TTC27: variants seen among roughly 807,000 people sequenced by gnomAD.
TTC27 encodes the protein tetratricopeptide repeat protein 27.
Under a neutral mutation model 115.9 loss-of-function variants are expected in TTC27, and 79 were observed. The ratio of observed to expected loss-of-function variants is 0.68; its 90% CI spans 0.57 to 0.82. The LOEUF (loss-of-function observed/expected upper bound fraction) is 0.82. Among genes scored for constraint, TTC27 ranks in the 40% least tolerant of loss-of-function variants. The pLI, the probability that TTC27 is intolerant of heterozygous loss-of-function variation, is 0.00. For synonymous variants in TTC27, 401 were observed against 356.0 expected (o/e 1.13, Z -1.42); for missense variants, 1,054 against 993.1 (o/e 1.06, Z -0.82).
At chr2:32,798,486 G>A (rs1321618848) in intron 16 of TTC27, among the ~76,000 whole-genome samples, 2 of 151,776 alleles carry the variant, frequency 1.3e-5, no homozygotes, top group Non-Finnish European at 2.9e-5. Context: ...GGCGGATCAC[G>A]AGGTCAGGAG....
intron 12 of TTC27, among the ~76,000 whole-genome samples, chr2:32,753,609 C>T (rs1243665408): frequency 6.6e-6 from 1 of 151,794 alleles, no homozygotes; most frequent in Non-Finnish European, 1.5e-5. Context: ...GCCACCGCGC[C>T]CATATTTTTA....
intron 10 of TTC27, among the ~76,000 whole-genome samples, chr2:32,713,919 C>T (rs892159921): frequency 2.0e-5 from 3 of 152,018 alleles, no homozygotes; most frequent in Non-Finnish European, 2.9e-5. Context: ...TAGCTCCTTC[C>T]GCTCTCCACC....
chr2:32,817,463 T>A lies in TTC27; in HGVS notation c.2315T>A (p.Ile772Lys). 1 of 1,613,768 alleles carries A rather than the reference T, an allele frequency of 6.2e-7. No individual in the cohort carries two copies. The highest frequency in any genetic ancestry group is 8.5e-7 in the Non-Finnish European group (1 of 1,179,752). The change falls in exon 19 of 20, where the codon ATA becomes AAA. Residue 772 changes from isoleucine to lysine, a missense_variant. By Grantham distance (102) the Ile-to-Lys change is moderately radical (BLOSUM62 -3). Transcript: ENST00000317907. ...QRALGLAHVA[I>K]KCSKNKSSSQ... ...CTCCATACTTATCTTCCAGTGGCCA[T>A]AAAATGCAGTAAAAACAAATCCAGT...
chr2:32,698,535 AGTGGCGCGATCTCAGCTCACT>A lies in TTC27; in HGVS notation c.1120-4270_1120-4250del, dbSNP rs533949267. On this transcript the variant is annotated intron_variant, in intron 9 of 19. Coordinates refer to ENST00000317907, the MANE Select transcript of TTC27 (RefSeq NM_017735.5). Reference sequence around the variant, plus strand: ...CGCTCTGTCACGCAGCCTGGAGTGCAGTGGCGCGATCTCAGCTCACTGCAAGCTCCGCCTCCCGGGTTCACG... The same window carrying A: ...CGCTCTGTCACGCAGCCTGGAGTGCAGCAAGCTCCGCCTCCCGGGTTCACG... Among the ~76,000 whole-genome samples, 71 of 145,112 alleles carry A rather than the reference AGTGGCGCGATCTCAGCTCACT, an allele frequency of 4.9e-4. No homozygotes were observed. In the South Asian group the frequency reaches 0.016, roughly 32 times the overall value.
intron 11 of TTC27, among the ~76,000 whole-genome samples, chr2:32,735,876 T>G (rs889789032): frequency 1.3e-5 from 2 of 152,048 alleles, no homozygotes; most frequent in African/African-American, 4.8e-5. Context: ...ATTATTTATT[T>G]TGATAATCTG....
intron 13 of TTC27, among the ~76,000 whole-genome samples, chr2:32,766,921 G>A (rs573992960): frequency 9.2e-5 from 14 of 152,028 alleles, no homozygotes; most frequent in Non-Finnish European, 1.9e-4. Context: ...GAGAAGCTGG[G>A]ACTATAGGCA....
chr2:32,649,830 C>G (rs1046904633), intron 4 of TTC27, among the ~76,000 whole-genome samples: 2 of 151,932 alleles, frequency 1.3e-5, no homozygotes, highest in Admixed American at 6.6e-5. Context: ...AGGTGTGAGC[C>G]ATCGCACCCG....
intron 5 of TTC27, among the ~76,000 whole-genome samples, chr2:32,658,013 GA>G (rs986675792): frequency 2.6e-5 from 4 of 152,316 alleles, no homozygotes; most frequent in Admixed American, 1.3e-4. Flanking sequence ...ATTTTTGGTA[GA>G]GACAGGGTTT....
chr2:32,709,707 T>A (rs945712412), intron 10 of TTC27, among the ~76,000 whole-genome samples: 3 of 152,148 alleles, frequency 2.0e-5, no homozygotes, highest in Admixed American at 6.5e-5. Flanking sequence ...GACCTCAGGC[T>A]AGGTGCTCTG....
At chr2:32,786,235 T>C (rs220653) in intron 15 of TTC27, among the ~76,000 whole-genome samples, 99,566 of 151,890 alleles carry the variant, frequency 0.66, 33,455 homozygotes, top group African/African-American at 0.8. Context: ...GATTCTTGTG[T>C]CTCAGCCTCC....
intron 13 of TTC27, among the ~76,000 whole-genome samples, chr2:32,761,941 A>G (rs1435638690): frequency 6.6e-6 from 1 of 152,200 alleles, no homozygotes; most frequent in African/African-American, 2.4e-5. Flanking sequence ...ATATATACTA[A>G]TTGTCTGCCC....
Position 32,755,157 on chromosome 2 carries a change from C to T in TTC27, c.1453-3135C>T, listed in dbSNP as rs569936309. On this transcript the variant is annotated intron_variant, in intron 12 of 19. Coordinates refer to ENST00000317907, the MANE Select transcript of TTC27 (RefSeq NM_017735.5). The stretch of plus-strand genomic sequence containing the variant: ...TCCAGACTGGGCAGCCAGGCAGAGA[C>T]GCTCCTCACTTCCCAGACGGGGTGG... 3.8e-4 allele frequency among the ~76,000 whole-genome samples: 58 copies of T among 151,764 alleles called. 1 individual carries two copies. Among genetic ancestry groups the T allele is most frequent in the South Asian group, 3.5e-3 (17 of 4,802 alleles).
At chr2:32,643,238 C>T (rs1402180409) in intron 4 of TTC27, among the ~76,000 whole-genome samples, 1 of 152,130 alleles carries the variant, frequency 6.6e-6, no homozygotes, top group Non-Finnish European at 1.5e-5. Flanking sequence ...AATTTTTCCC[C>T]TAAGTAAGTT....
intron 9 of TTC27, among the ~76,000 whole-genome samples, chr2:32,682,771 C>T (rs542138444): frequency 7.5e-5 from 11 of 147,146 alleles, no homozygotes; most frequent in Non-Finnish European, 1.2e-4. Flanking sequence ...TGGGTTCAAG[C>T]GATTCTCCTG....
intron 10 of TTC27, among the ~76,000 whole-genome samples, chr2:32,725,078 A>G (rs565436028): frequency 1.3e-5 from 2 of 152,284 alleles, no homozygotes; most frequent in African/African-American, 2.4e-5. Context: ...GTTGCCCCAC[A>G]TGATTCAGTT....
At chr2:32,742,124 T>C (rs1668668201) in intron 12 of TTC27, among the ~76,000 whole-genome samples, 1 of 152,232 alleles carries the variant, frequency 6.6e-6, no homozygotes, top group South Asian at 2.1e-4. Context: ...TTCATCACTT[T>C]ACTGATTAGC....
intron 8 of TTC27, among the ~76,000 whole-genome samples, chr2:32,678,481 G>A (rs111896629): frequency 0.16 from 23,805 of 151,780 alleles, 2,456 homozygotes; most frequent in Middle Eastern, 0.31. Flanking sequence ...AGGCTGGAGT[G>A]CAGTGTCGCG....
intron 9 of TTC27, among the ~76,000 whole-genome samples, chr2:32,699,239 T>A (rs1667101655): frequency 6.6e-6 from 1 of 152,216 alleles, no homozygotes; most frequent in Middle Eastern, 3.2e-3. Flanking sequence ...ATGGAGTCAC[T>A]TAGATGAGGT....
In TTC27 at chr2:32,811,079, A is replaced by G; in HGVS notation, c.2054A>G (p.Asp685Gly). ...GATGGGATGACTGATCGAAGTGGAG[A>G]TGTTGCAACTGGCCTCAAAGGAAAG... The part of the protein sequence containing the change: ...VIDGMTDRSG[D>G]VATGLKGKLQ... The change falls in exon 17 of 20, where the codon GAT becomes GGT. Residue 685 changes from aspartate (D) to glycine (G), a missense_variant. Transcript: ENST00000317907. 6.2e-7 allele frequency: 1 copy of G among 1,614,134 alleles called. No individual in the cohort carries two copies. The highest frequency in any genetic ancestry group is 8.5e-7 in the Non-Finnish European group (1 of 1,180,014).
Sources: gnomAD v4.1 joint callset for allele counts (sites outside exome capture counted in the v4.1 genomes callset) on GRCh38, gnomAD v4.1.1 for gene constraint, MANE v1.5 for transcripts, NCBI Gene and HGNC (gene_info 2026-07-23, HGNC 2026-07-21) for gene names.